The following TNR variants were observed in gnomAD, a reference collection of about 807,000 sequenced individuals.
TNR encodes the protein tenascin R.
In TNR, 45 loss-of-function variants were observed where a neutral mutation model predicts 150.4. That is an observed-to-expected ratio of 0.30 (90% confidence interval 0.24 to 0.38). The LOEUF is 0.38. Ranked by LOEUF, TNR falls within the 10% of genes least tolerant of loss-of-function variation. The probability of loss-of-function intolerance (pLI) is 1.00; values close to 1 mark genes in which losing one functional copy is unlikely to be tolerated. For missense variants in TNR, 1,544 were observed against 1,759.1 expected (o/e 0.88, Z 2.19); for synonymous variants, 687 against 678.4 (o/e 1.01, Z -0.20).
chr1:175,402,090 G>T (rs949335002), intron 4 of TNR, among the ~76,000 whole-genome samples: 2 of 151,870 alleles, frequency 1.3e-5, no homozygotes, highest in Middle Eastern at 3.2e-3. Context: ...GGCGGATCAT[G>T]AGGTCAGGAG....
chr1:175,458,921 C>T (rs1205620509), intron 2 of TNR, among the ~76,000 whole-genome samples: 1 of 149,362 alleles, frequency 6.7e-6, no homozygotes, highest in East Asian at 1.9e-4. Flanking sequence ...TCTACCACCA[C>T]CACCATCATC....
At chr1:175,582,972 G>A (rs1300043312) in intron 1 of TNR, among the ~76,000 whole-genome samples, 1 of 151,526 alleles carries the variant, frequency 6.6e-6, no homozygotes, top group Admixed American at 6.6e-5. Flanking sequence ...ATGCAAAAAA[G>A]CCCCCCCAAC....
At chr1:175,633,993 G>GGATGAT (rs1322726718) in intron 1 of TNR, among the ~76,000 whole-genome samples, 2 of 136,150 alleles carry the variant, frequency 1.5e-5, no homozygotes, top group Non-Finnish European at 3.1e-5. Flanking sequence ...CGTAGGACTG[G>GGATGAT]GATGATGATG....
intron 1 of TNR, among the ~76,000 whole-genome samples, chr1:175,675,887 A>C (rs552909618): frequency 6.6e-6 from 1 of 152,254 alleles, no homozygotes; most frequent in African/African-American, 2.4e-5. Flanking sequence ...TAGGCAATGA[A>C]AGATGCCCTG....
chr1:175,543,977 A>C (rs925737872), intron 1 of TNR, among the ~76,000 whole-genome samples: 2 of 152,196 alleles, frequency 1.3e-5, no homozygotes, highest in Admixed American at 1.3e-4. Context: ...GAGAAACCTC[A>C]TGGGGCATTT....
At chr1:175,364,399 T>A (rs960470125) in intron 12 of TNR, among the ~76,000 whole-genome samples, 1 of 152,026 alleles carries the variant, frequency 6.6e-6, no homozygotes, top group Non-Finnish European at 1.5e-5. Context: ...GTCCAGTTTG[T>A]GAGTTCTTGT....
intron 18 of TNR, 62 bp from the exon 19 acceptor site, chr1:175,337,741 T>C (rs1354917898): frequency 1.3e-6 from 2 of 1,581,130 alleles, no homozygotes; most frequent in Admixed American, 1.8e-5. Context: ...CAAGAGCTCC[T>C]TGGATCATAG....
At chr1:175,488,506 G>A (rs1336755465) in intron 2 of TNR, among the ~76,000 whole-genome samples, 1 of 152,200 alleles carries the variant, frequency 6.6e-6, no homozygotes, top group African/African-American at 2.4e-5. Context: ...TTTCTCTGCT[G>A]GGCTGGGAAA....
intron 1 of TNR, among the ~76,000 whole-genome samples, chr1:175,721,356 T>C (rs1224266908): frequency 2.6e-5 from 4 of 152,234 alleles, no homozygotes; most frequent in African/African-American, 9.6e-5. Flanking sequence ...GATGACCTTT[T>C]TCTGCATGCC....
intron 2 of TNR, among the ~76,000 whole-genome samples, chr1:175,425,308 T>C (rs859479): frequency 0.49 from 75,097 of 152,004 alleles, 20,108 homozygotes; most frequent in African/African-American, 0.71. Context: ...TCTGAGCTTC[T>C]GTTTTCTCAT....
At chr1:175,738,200 T>C (rs947728853) in intron 1 of TNR, among the ~76,000 whole-genome samples, 17 of 152,168 alleles carry the variant, frequency 1.1e-4, no homozygotes, top group African/African-American at 4.1e-4. Context: ...AGTTTCCTTT[T>C]CTTACTTGAT....
intron 1 of TNR, among the ~76,000 whole-genome samples, chr1:175,733,049 C>G (rs1381900819): frequency 6.6e-6 from 1 of 152,198 alleles, no homozygotes; most frequent in African/African-American, 2.4e-5. Context: ...CACTGGCAGG[C>G]CTTGGTCAGG....
rs188004612 is a variant in TNR at position 175,379,325 on chromosome 1, C to T, written c.1963+227G>A. Among the ~76,000 whole-genome samples the T allele has an allele frequency of 9.5e-3, 1,441 of 152,216 alleles. 12 individuals carry two copies. Among genetic ancestry groups the T allele is most frequent in the Non-Finnish European group, 0.015 (1,019 of 68,020 alleles). On this transcript the variant is annotated intron_variant, in intron 9 of 22. Transcript: ENST00000367674. ...AGTGAGCTGAAATTGTGCCACTGCA[C>T]TCCAGCCTGGGTGACAGAGAGATTC...
intron 2 of TNR, among the ~76,000 whole-genome samples, chr1:175,458,068 G>A (rs1656643254): frequency 6.6e-6 from 1 of 152,222 alleles, no homozygotes. Context: ...GGATTGTTGT[G>A]AAAATTAATG....
At chr1:175,414,790 A>G (rs1348198238) in intron 2 of TNR, among the ~76,000 whole-genome samples, 1 of 152,042 alleles carries the variant, frequency 6.6e-6, no homozygotes, top group Non-Finnish European at 1.5e-5. Context: ...CTGACTTTTG[A>G]GGGACTGGGA....
intron 2 of TNR, among the ~76,000 whole-genome samples, chr1:175,502,326 T>C (rs541896609): frequency 6.6e-6 from 1 of 152,242 alleles, no homozygotes; most frequent in African/African-American, 2.4e-5. Flanking sequence ...GGCAGACACA[T>C]TGAACCCCCA....
chr1:175,592,279 C>T (rs1302825993), intron 1 of TNR, among the ~76,000 whole-genome samples: 2 of 152,228 alleles, frequency 1.3e-5, no homozygotes, highest in Admixed American at 6.5e-5. Flanking sequence ...TATTACAACT[C>T]TCTTCTTAGG....
chr1:175,454,621 G>A (rs1216577070), intron 2 of TNR, among the ~76,000 whole-genome samples: 1 of 152,114 alleles, frequency 6.6e-6, no homozygotes, highest in Non-Finnish European at 1.5e-5. Flanking sequence ...ACAGGCATGT[G>A]CCACCACACC....
intron 2 of TNR, among the ~76,000 whole-genome samples, chr1:175,468,284 A>G (rs1189729385): frequency 1.3e-5 from 2 of 152,168 alleles, no homozygotes; most frequent in Non-Finnish European, 2.9e-5. Context: ...CTTCTTTAAG[A>G]TTTAATTTCC....
Sources: gnomAD v4.1 joint callset for allele counts (sites outside exome capture counted in the v4.1 genomes callset) on GRCh38, gnomAD v4.1.1 for gene constraint, MANE v1.5 for transcripts, NCBI Gene and HGNC (gene_info 2026-07-23, HGNC 2026-07-21) for gene names.